Variants in ALPK1 observed in about 807,000 individuals in gnomAD.
ALPK1 encodes the protein alpha-protein kinase 1.
ALPK1 carries 110 observed loss-of-function variants against 120.6 expected under a neutral mutation model. The ratio of observed to expected loss-of-function variants is 0.91; its 90% confidence interval spans 0.78 to 1.07. ALPK1 has a LOEUF of 1.07. Ranked by LOEUF, ALPK1 falls within the 50% of genes least tolerant of loss-of-function variation. The pLI is 0.00. For missense variants in ALPK1, 1,498 were observed against 1,483.9 expected, an observed-to-expected ratio of 1.01 and a Z score of -0.16; for synonymous variants, 582 against 560.3, an observed-to-expected ratio of 1.04 and a Z score of -0.55.
At chr4:112,314,830 T>C (rs1728561989) in intron 1 of ALPK1, among the ~76,000 whole-genome samples, 1 of 151,058 alleles carries the variant, frequency 6.6e-6, no homozygotes, top group African/African-American at 2.4e-5. Flanking sequence ...GAGAGGGTTA[T>C]AGGAGAGTTG....
At position 112,382,554 on chromosome 4, in the gene ALPK1, T is replaced by C. The variant is rs1374094746; in HGVS notation, c.276+2T>C. On this transcript the variant is annotated splice_donor_variant, in intron 4 of 15. Transcript: ENST00000650871. LOFTEE classifies it high-confidence loss of function. ...GGCGCCGGGTTGCAGCAGTTACTGG[T>C]AGGAAGAGCCACACCACCTGTTCCT... 6.2e-6 allele frequency: 10 copies of C among 1,613,954 alleles called. No homozygotes were observed. The highest frequency in any genetic ancestry group is 8.5e-6 in the Non-Finnish European group (10 of 1,180,000).
chr4:112,310,909 G>A (rs1728372823), intron 1 of ALPK1, among the ~76,000 whole-genome samples: 1 of 151,760 alleles, frequency 6.6e-6, no homozygotes, highest in South Asian at 2.1e-4. Flanking sequence ...TGAACTTTGG[G>A]AGAGCGGAAG....
At chr4:112,405,111 A>G (rs1733107005) in intron 4 of ALPK1, among the ~76,000 whole-genome samples, 1 of 152,196 alleles carries the variant, frequency 6.6e-6, no homozygotes, top group Admixed American at 6.5e-5. Context: ...GACCCTCTGC[A>G]GATCTCTGAA....
chr4:112,356,707 C>T lies in ALPK1; in HGVS notation c.-100-20971C>T. On this transcript the variant is annotated intron_variant, in intron 2 of 15. Coordinates refer to ENST00000650871, the MANE Select transcript of ALPK1 (RefSeq NM_025144.4). ...AGGAGCTGGCCAGCCCCATCCTGGACATCGAGGACTTGGTCAAGAGGGGAA... is the reference window on the plus strand; with the variant it reads ...AGGAGCTGGCCAGCCCCATCCTGGATATCGAGGACTTGGTCAAGAGGGGAA... 3 of 972,116 alleles carry T rather than the reference C, an allele frequency of 3.1e-6. No individual in the cohort carries two copies. The Admixed American group carries it at 5.2e-5, about 17-fold the overall frequency. The allele number at this position is 972,116 out of a possible 1,614,324, so 60.2% of individuals were successfully genotyped here. A position where few individuals can be genotyped will look rare whatever the true frequency, so the allele number is the denominator to read the frequency against.
intron 2 of ALPK1, among the ~76,000 whole-genome samples, chr4:112,375,180 C>CT (rs200078535): frequency 1.5e-3 from 192 of 127,342 alleles, no homozygotes; most frequent in Middle Eastern, 7.6e-3. Flanking sequence ...TGATGTTTTT[C>CT]TTTTTTTTTT....
intron 1 of ALPK1, among the ~76,000 whole-genome samples, chr4:112,298,514 C>A (rs1416274200): frequency 6.6e-6 from 1 of 152,116 alleles, no homozygotes; most frequent in African/African-American, 2.4e-5. Flanking sequence ...TTAGAAATAA[C>A]TTATTCCCCA....
At chr4:112,306,400 G>C (rs887105585) in intron 1 of ALPK1, among the ~76,000 whole-genome samples, 5 of 152,070 alleles carry the variant, frequency 3.3e-5, no homozygotes, top group African/African-American at 1.2e-4. Context: ...TGGTTGGTAA[G>C]CTATTAATTA....
At chr4:112,328,475 A>G (rs112647918) in intron 2 of ALPK1, among the ~76,000 whole-genome samples, 12 of 152,316 alleles carry the variant, frequency 7.9e-5, no homozygotes, top group African/African-American at 2.9e-4. Flanking sequence ...ATAAATAGTT[A>G]TACTCTCCCT....
intron 2 of ALPK1, among the ~76,000 whole-genome samples, chr4:112,338,723 TA>T (rs1457594689): frequency 6.6e-6 from 1 of 152,220 alleles, no homozygotes; most frequent in African/African-American, 2.4e-5. Context: ...AGCAGAGAAT[TA>T]CATTAACTAT....
At chr4:112,422,190 C>T (rs184409922) in intron 5 of ALPK1, among the ~76,000 whole-genome samples, 1 of 152,194 alleles carries the variant, frequency 6.6e-6, no homozygotes, top group African/African-American at 2.4e-5. Flanking sequence ...CAATTTAAAA[C>T]TTATGAATTG....
intron 2 of ALPK1, among the ~76,000 whole-genome samples, chr4:112,326,311 C>T (rs769280903): frequency 3.3e-5 from 5 of 152,072 alleles, no homozygotes; most frequent in Admixed American, 6.6e-5. Flanking sequence ...AAACTAAGGA[C>T]GCTGCAACTG....
Position 112,382,486 on chromosome 4 carries a change from AGCCGTGG to A in ALPK1, c.214_220del (p.Val72GlnfsTer7). On this transcript the variant is annotated frameshift_variant, in exon 4 of 16. Transcript: ENST00000650871. LOFTEE classifies it high-confidence loss of function. ...TGCCTGAAAAGTGGCAGTACAAACA[AGCCGTGG>A]GCCCAGAGGACAAAACAAACCTGAA... The A allele has an allele frequency of 6.2e-7, 1 of 1,614,132 alleles. No individual in the cohort carries two copies. Among genetic ancestry groups the A allele is most frequent in the Non-Finnish European group, 8.5e-7 (1 of 1,180,020 alleles).
rs148869813 is a variant in ALPK1 at position 112,382,535 on chromosome 4, G to C, written c.259G>C (p.Gly87Arg). 10 of 1,614,118 alleles carry C rather than the reference G, an allele frequency of 6.2e-6. No individual in the cohort carries two copies. Among genetic ancestry groups the C allele is most frequent in the Non-Finnish European group, 8.5e-6 (10 of 1,180,012 alleles). Residue 87 changes from glycine (G) to arginine (R), a missense_variant, in exon 4 of 16, where the codon GGG becomes CGG. By Grantham distance (125) the Gly-to-Arg change is moderately radical (BLOSUM62 -2). Transcript: ENST00000650871. ...AAACCTGAAGGATGTGATTGGCGCCGGGTTGCAGCAGTTACTGGTAGGAAG... is the reference window on the plus strand; with the variant it reads ...AAACCTGAAGGATGTGATTGGCGCCCGGTTGCAGCAGTTACTGGTAGGAAG... ...KTNLKDVIGA[G>R]LQQLLASLRA...
At chr4:112,430,008 C>T (rs191096416) in intron 10 of ALPK1, among the ~76,000 whole-genome samples, 2 of 152,230 alleles carry the variant, frequency 1.3e-5, no homozygotes, top group East Asian at 3.9e-4. Context: ...TTCAAATGCA[C>T]AGATGCATTC....
chr4:112,413,532 C>T (rs376196405), intron 5 of ALPK1, among the ~76,000 whole-genome samples: 2 of 152,206 alleles, frequency 1.3e-5, no homozygotes, highest in African/African-American at 4.8e-5. Flanking sequence ...GATGTTCCCC[C>T]CTCAGCCTCC....
chr4:112,413,993 C>T lies in ALPK1; in HGVS notation c.475+1968C>T, dbSNP rs1187138091. 4.6e-5 allele frequency among the ~76,000 whole-genome samples: 7 copies of T among 152,110 alleles called. No homozygotes were observed. In the South Asian group the frequency reaches 6.2e-4, roughly 14 times the overall value. On this transcript the variant is annotated intron_variant, in intron 5 of 15. Coordinates refer to ENST00000650871, the MANE Select transcript of ALPK1 (RefSeq NM_025144.4). ...TCAGAGTTAAGTCTTCTTGTGTAAA[C>T]GTCTACCCCAAAACATCTGGAGCCT...
At chr4:112,328,195 A>G (rs1408508835) in intron 2 of ALPK1, among the ~76,000 whole-genome samples, 1 of 152,256 alleles carries the variant, frequency 6.6e-6, no homozygotes, top group African/African-American at 2.4e-5. Flanking sequence ...TTCTTAGCTG[A>G]CACACCAGGT....
At chr4:112,357,784 C>G in intron 2 of ALPK1, 1 of 1,043,720 alleles carries the variant, frequency 9.6e-7, no homozygotes. Context: ...GCCCTATGGG[C>G]TCCTGATCTT....
intron 2 of ALPK1, among the ~76,000 whole-genome samples, chr4:112,326,108 G>C (rs549074702): frequency 6.6e-6 from 1 of 152,224 alleles, no homozygotes; most frequent in South Asian, 2.1e-4. Flanking sequence ...ATCTTTGAAA[G>C]TCTTTGCAGT....
Sources: gnomAD v4.1 joint callset for allele counts (sites outside exome capture counted in the v4.1 genomes callset) on GRCh38, gnomAD v4.1.1 for gene constraint, MANE v1.5 for transcripts, NCBI Gene and HGNC (gene_info 2026-07-23, HGNC 2026-07-21) for gene names.